Variants in GSG1L observed in about 807,000 individuals in gnomAD.
GSG1L encodes the protein GSG1 like.
Under a neutral mutation model 42.1 loss-of-function variants are expected in GSG1L, and 24 were observed. The observed-to-expected ratio is 0.57, with a 90% CI of 0.41 to 0.80. The LOEUF is 0.80. Among genes scored for constraint, GSG1L ranks in the 30% least tolerant of loss-of-function variants. GSG1L has a pLI of 0.00. For synonymous variants in GSG1L, 215 were observed against 203.5 expected (o/e 1.06, Z -0.48); for missense variants, 445 against 472.2 (o/e 0.94, Z 0.53).
chr16:27,971,868 G>A (rs370610297), intron 1 of GSG1L, among the ~76,000 whole-genome samples: 10 of 152,034 alleles, frequency 6.6e-5, no homozygotes, highest in East Asian at 1.9e-4. Context: ...GATATTTGCC[G>A]TCTCTTTAGT....
intron 1 of GSG1L, among the ~76,000 whole-genome samples, chr16:27,975,017 A>G (rs1434802528): frequency 6.6e-6 from 1 of 152,124 alleles, no homozygotes; most frequent in African/African-American, 2.4e-5. Context: ...AGGAGCTGCC[A>G]TCAGGAGCTG....
At chr16:27,979,728 A>G (rs2085300463) in intron 1 of GSG1L, among the ~76,000 whole-genome samples, 2 of 75,888 alleles carry the variant, frequency 2.6e-5, no homozygotes, top group African/African-American at 4.7e-5. Context: ...GGAAGGAAGG[A>G]AAGAAAAAGA....
intron 1 of GSG1L, among the ~76,000 whole-genome samples, chr16:27,983,777 G>GT (rs891190712): frequency 1.3e-5 from 2 of 152,110 alleles, no homozygotes; most frequent in Non-Finnish European, 2.9e-5. Flanking sequence ...ATACTGGGGA[G>GT]TTTTTTTGGA....
chr16:27,819,174 G>A (rs553832437), intron 5 of GSG1L, among the ~76,000 whole-genome samples: 18 of 151,934 alleles, frequency 1.2e-4, no homozygotes, highest in Admixed American at 2.0e-4. Flanking sequence ...CGCTTAAACC[G>A]GGGAGGCAGA....
At chr16:27,974,723 G>A (rs1276868616) in intron 1 of GSG1L, among the ~76,000 whole-genome samples, 2 of 152,154 alleles carry the variant, frequency 1.3e-5, no homozygotes, top group African/African-American at 2.4e-5. Flanking sequence ...ACCAACTCAA[G>A]CCTTCTCAAT....
rs1422229057 is a variant in GSG1L, at chr16:28,009,133, A to T, written c.350-45930T>A. On this transcript the variant is annotated intron_variant, in intron 1 of 6. Transcript: ENST00000447459. ...CACATCAGTACTGTTTTAACTGCCC[A>T]GTTCTGAGCGCAGGTGCCCCATATG... 2.0e-5 allele frequency among the ~76,000 whole-genome samples: 3 copies of T among 152,108 alleles called. No homozygotes were observed. The East Asian group carries it at 5.8e-4, about 29-fold the overall frequency.
chr16:27,918,543 C>G (rs899509676), intron 2 of GSG1L, among the ~76,000 whole-genome samples: 3 of 151,764 alleles, frequency 2.0e-5, no homozygotes, highest in African/African-American at 7.3e-5. Flanking sequence ...CCTGTGGTCC[C>G]AACTACTCAG....
In GSG1L at chr16:27,793,493, G is replaced by GTT. The variant is rs11449583; in HGVS notation, c.899-2028_899-2027dup. On this transcript the variant is annotated intron_variant, in intron 6 of 6. Transcript: ENST00000447459. ...GATAGAGGTGTTTGGGTTTTGTTTT[G>GTT]TTTTTTTAATCTAGAAGCAAATATT... 2.9e-3 allele frequency among the ~76,000 whole-genome samples: 433 copies of GTT among 151,802 alleles called. 2 individuals carry two copies. The highest frequency in any genetic ancestry group is 0.011 in the South Asian group (52 of 4,812).
intron 1 of GSG1L, among the ~76,000 whole-genome samples, chr16:28,032,633 C>A (rs770392243): frequency 6.6e-6 from 1 of 152,108 alleles, no homozygotes; most frequent in African/African-American, 2.4e-5. Flanking sequence ...AATTTAAGAT[C>A]GCTTCCTTCC....
intron 2 of GSG1L, among the ~76,000 whole-genome samples, chr16:27,960,128 G>A (rs530495277): frequency 1.3e-5 from 2 of 152,268 alleles, no homozygotes; most frequent in Admixed American, 1.3e-4. Context: ...CGGTTTGCCA[G>A]GTGGGAGGAG....
intron 2 of GSG1L, among the ~76,000 whole-genome samples, chr16:27,939,269 G>A (rs926432889): frequency 3.9e-5 from 6 of 152,024 alleles, no homozygotes; most frequent in Admixed American, 2.0e-4. Flanking sequence ...CCACAGGCAC[G>A]CACCACCACA....
chr16:27,835,585 C>T (rs772957), intron 4 of GSG1L, among the ~76,000 whole-genome samples: 100,335 of 150,992 alleles, frequency 0.66, 33,969 homozygotes, highest in African/African-American at 0.79. Flanking sequence ...TTTCTCTTTT[C>T]TTTTTTCTTG....
chr16:28,031,205 T>G (rs1596715617), intron 1 of GSG1L, among the ~76,000 whole-genome samples: 6 of 92,792 alleles, frequency 6.5e-5, no homozygotes, highest in East Asian at 3.3e-4. Flanking sequence ...AATGATGGGG[T>G]GGGATGAGAT....
intron 3 of GSG1L, among the ~76,000 whole-genome samples, chr16:27,858,589 C>T (rs746536750): frequency 2.0e-5 from 3 of 152,112 alleles, no homozygotes; most frequent in African/African-American, 7.2e-5. Context: ...GTATATAAGA[C>T]AAAAAGGTCC....
At chr16:27,975,381 T>C (rs2085239530) in intron 1 of GSG1L, among the ~76,000 whole-genome samples, 1 of 151,982 alleles carries the variant, frequency 6.6e-6, no homozygotes, top group Non-Finnish European at 1.5e-5. Context: ...CACACCGCCC[T>C]ACTTAAGGTG....
chr16:27,843,438 T>C (rs79847634), intron 4 of GSG1L, among the ~76,000 whole-genome samples: 2,025 of 147,476 alleles, frequency 0.014, 38 homozygotes, highest in African/African-American at 0.049. Flanking sequence ...ATCTCTCTGC[T>C]GGTATTGCTA....
At chr16:27,879,605 A>G (rs2083927517) in intron 3 of GSG1L, among the ~76,000 whole-genome samples, 1 of 152,124 alleles carries the variant, frequency 6.6e-6, no homozygotes, top group South Asian at 2.1e-4. Context: ...ACAGAGAAAT[A>G]CCCTGTCTTT....
chr16:27,815,042 G>A (rs1363118571), intron 5 of GSG1L, among the ~76,000 whole-genome samples: 2 of 151,866 alleles, frequency 1.3e-5, no homozygotes, highest in East Asian at 3.9e-4. Context: ...TGATCCTCCT[G>A]CCTCAGCCTC....
intron 6 of GSG1L, among the ~76,000 whole-genome samples, chr16:27,804,130 G>T (rs891590021): frequency 6.6e-6 from 1 of 152,000 alleles, no homozygotes; most frequent in South Asian, 2.1e-4. Flanking sequence ...ATGTGGACAT[G>T]TCTTCTCCCT....
Sources: allele counts gnomAD v4.1 joint callset (sites outside exome capture counted in the v4.1 genomes callset), GRCh38; gene constraint gnomAD v4.1.1; transcripts MANE v1.5; gene names NCBI Gene and HGNC (gene_info 2026-07-23, HGNC 2026-07-21).